The following HSPA12A variants were observed in gnomAD, a reference collection of about 807,000 sequenced individuals.
HSPA12A encodes heat shock 70 kDa protein 12A.
HSPA12A carries 28 observed loss-of-function variants against 69.2 expected under a neutral mutation model. The observed-to-expected ratio is 0.40, with a 90% CI of 0.30 to 0.55. The LOEUF is 0.55. Ranked by LOEUF, HSPA12A falls within the 20% of genes least tolerant of loss-of-function variation. HSPA12A has a pLI of 0.38. For synonymous variants in HSPA12A, 345 were observed against 370.5 expected (o/e 0.93, Z 0.79); for missense variants, 686 against 900.7 (o/e 0.76, Z 3.05).
intron 10 of HSPA12A, among the ~76,000 whole-genome samples, chr10:116,678,785 C>T (rs535786003): frequency 3.3e-5 from 5 of 152,158 alleles, no homozygotes; most frequent in Middle Eastern, 3.4e-3. Context: ...TTTAGACTAG[C>T]CAGGACCTGA....
intron 1 of HSPA12A, among the ~76,000 whole-genome samples, chr10:116,733,969 T>C (rs1554886130): frequency 6.6e-6 from 1 of 152,160 alleles, no homozygotes; most frequent in Non-Finnish European, 1.5e-5. Flanking sequence ...CTTCACATTC[T>C]ACAAACCCAT....
intron 1 of HSPA12A, among the ~76,000 whole-genome samples, chr10:116,736,384 CT>C (rs1851316250): frequency 6.6e-6 from 1 of 152,168 alleles, no homozygotes; most frequent in Admixed American, 6.5e-5. Context: ...ACACAGAAGA[CT>C]CTCCAACACC....
intron 2 of HSPA12A, among the ~76,000 whole-genome samples, chr10:116,760,665 C>CT (rs1311748746): frequency 1.2e-4 from 18 of 152,010 alleles, no homozygotes; most frequent in Non-Finnish European, 2.2e-4. Flanking sequence ...CCTCAGTTTT[C>CT]TTTTTTTTGT....
Position 116,692,428 on chromosome 10 carries a change from CAG to C in HSPA12A, c.584_585del (p.Ser195Ter). On this transcript the variant is annotated frameshift_variant, in exon 6 of 12. Transcript: ENST00000369209. LOFTEE classifies it high-confidence loss of function. ...SDQAGSEFEN[S>X]DVRWVITVPA... ...GGCACCGTGATGACCCATCTGACAT[CAG>C]AGTTCTCGAACTCCGAACCCGCCTG... 6.2e-7 allele frequency: 1 copy of C among 1,614,172 alleles called. No individual in the cohort carries two copies. Among genetic ancestry groups the C allele is most frequent in the Non-Finnish European group, 8.5e-7 (1 of 1,180,032 alleles).
chr10:116,828,493 G>A (rs1023503392), intron 2 of HSPA12A, among the ~76,000 whole-genome samples: 1 of 152,154 alleles, frequency 6.6e-6, no homozygotes, highest in African/African-American at 2.4e-5. Context: ...GCACTGTCCT[G>A]GGTAGGCCAT....
chr10:116,699,313 A>C (rs1396720280), intron 4 of HSPA12A, among the ~76,000 whole-genome samples: 6 of 152,156 alleles, frequency 3.9e-5, no homozygotes, highest in Admixed American at 3.9e-4. Context: ...CCAAAAGTGA[A>C]AGCAGCTGCT....
At chr10:116,811,760 G>C (rs756197190) in intron 2 of HSPA12A, among the ~76,000 whole-genome samples, 1 of 152,108 alleles carries the variant, frequency 6.6e-6, no homozygotes. Flanking sequence ...CTCTGCACCC[G>C]GGTTTTCCCA....
At chr10:116,812,155 C>A (rs1845203082) in intron 2 of HSPA12A, among the ~76,000 whole-genome samples, 1 of 152,156 alleles carries the variant, frequency 6.6e-6, no homozygotes, top group South Asian at 2.1e-4. Flanking sequence ...CCCTGCCTTA[C>A]TAAAATCATG....
intron 1 of HSPA12A, among the ~76,000 whole-genome samples, chr10:116,720,733 G>A (rs956516037): frequency 9.2e-5 from 14 of 152,354 alleles, no homozygotes; most frequent in African/African-American, 2.4e-4. Context: ...CTGTGTGACC[G>A]TCTGCACGTG....
intron 2 of HSPA12A, chr10:116,829,981 G>A (rs1845582773): frequency 6.6e-6 from 1 of 152,230 alleles, no homozygotes; most frequent in Non-Finnish European, 1.5e-5. Flanking sequence ...ATGGGCACTG[G>A]TGGGCACTCC....
In HSPA12A at chr10:116,679,644, AAGTC is replaced by A; in HGVS notation, c.1141_1144del (p.Asp381Ter). 1 of 1,614,272 alleles carries A rather than the reference AAGTC, an allele frequency of 6.2e-7. No individual in the cohort carries two copies. The highest frequency in any genetic ancestry group is 8.5e-7 in the Non-Finnish European group (1 of 1,180,050). On this transcript the variant is annotated frameshift_variant, in exon 10 of 12. Coordinates refer to ENST00000369209, the MANE Select transcript of HSPA12A (RefSeq NM_025015.3). LOFTEE classifies it high-confidence loss of function. ...TTTGCGAGACTCAAACGCAATCATT[AAGTC>A]AACCCAGGCTGCAGGGCGTTTGATT...
chr10:116,820,878 T>G (rs537962905), intron 2 of HSPA12A, among the ~76,000 whole-genome samples: 7 of 151,890 alleles, frequency 4.6e-5, no homozygotes, highest in African/African-American at 1.7e-4. Context: ...AACCCACTCC[T>G]CCTCCTCCAG....
At chr10:116,696,922 G>A (rs868967106) in intron 5 of HSPA12A, among the ~76,000 whole-genome samples, 7 of 151,812 alleles carry the variant, frequency 4.6e-5, no homozygotes, top group Non-Finnish European at 1.0e-4. Flanking sequence ...ACCCTGCCCC[G>A]AATCCACCTC....
intron 2 of HSPA12A, among the ~76,000 whole-genome samples, chr10:116,788,154 C>G (rs1175155836): frequency 6.6e-6 from 1 of 152,174 alleles, no homozygotes; most frequent in South Asian, 2.1e-4. Context: ...CTACTCTGGC[C>G]GAGCCGACCA....
intron 1 of HSPA12A, among the ~76,000 whole-genome samples, chr10:116,715,861 G>A (rs1484903630): frequency 6.6e-6 from 1 of 152,186 alleles, no homozygotes; most frequent in Non-Finnish European, 1.5e-5. Context: ...GAAAGCTTGG[G>A]AAGGTTTTGG....
intron 1 of HSPA12A, among the ~76,000 whole-genome samples, chr10:116,844,570 T>A (rs1845849662): frequency 6.6e-6 from 1 of 152,242 alleles, no homozygotes; most frequent in South Asian, 2.1e-4. Flanking sequence ...GCGTGATGAC[T>A]GAGTGAAAAT....
chr10:116,778,216 T>C (rs573415347), intron 2 of HSPA12A, among the ~76,000 whole-genome samples: 1 of 152,176 alleles, frequency 6.6e-6, no homozygotes, highest in Admixed American at 6.5e-5. Flanking sequence ...CCAAGCAATA[T>C]ATTATTTAAA....
chr10:116,753,702 G>T (rs1843757757), intron 2 of HSPA12A, among the ~76,000 whole-genome samples: 1 of 152,204 alleles, frequency 6.6e-6, no homozygotes, highest in Non-Finnish European at 1.5e-5. Flanking sequence ...GCAAACCCCT[G>T]CAAAGAGTCT....
chr10:116,715,290 A>G (rs1393953266), intron 1 of HSPA12A, among the ~76,000 whole-genome samples: 4 of 152,204 alleles, frequency 2.6e-5, no homozygotes, highest in Non-Finnish European at 5.9e-5. Context: ...CTTAGAAGAG[A>G]CTTAAAACAC....
Sources: gnomAD v4.1 joint callset for allele counts (sites outside exome capture counted in the v4.1 genomes callset) on GRCh38, gnomAD v4.1.1 for gene constraint, MANE v1.5 for transcripts, NCBI Gene and HGNC (gene_info 2026-07-23, HGNC 2026-07-21) for gene names.